The following DLGAP1 variants were observed in gnomAD, a reference collection of about 807,000 sequenced individuals.
DLGAP1 encodes the protein disks large-associated protein 1.
DLGAP1 carries 11 observed loss-of-function variants against 90.8 expected under a neutral mutation model. That is an observed-to-expected ratio of 0.12 (90% CI 0.08 to 0.20). DLGAP1 has a LOEUF of 0.20. Among genes scored for constraint, DLGAP1 ranks in the 10% least tolerant of loss-of-function variants. The pLI is 1.00. For missense variants in DLGAP1, 1,050 were observed against 1,333.8 expected (o/e 0.79, Z 3.31); for synonymous variants, 558 against 540.7 (o/e 1.03, Z -0.44).
chr18:4,418,364 C>G (rs1307761202), intron 1 of DLGAP1, among the ~76,000 whole-genome samples: 5 of 152,084 alleles, frequency 3.3e-5, no homozygotes, highest in Non-Finnish European at 7.4e-5. Context: ...ACAAAGTAAG[C>G]AGCAAAACCA....
rs1034496115 is a variant in DLGAP1, at chr18:4,454,190, G to A, written c.-267+816C>T. 2.6e-5 allele frequency among the ~76,000 whole-genome samples: 4 copies of A among 152,236 alleles called. No homozygotes were observed. Among genetic ancestry groups the A allele is most frequent in the African/African-American group, 4.8e-5 (2 of 41,478 alleles). ...GGGTCTTCATCGCCGCGGGCCCTCC[G>A]AAGGTGCCTCTCCCAGCTGCAGCCG... is the stretch of plus-strand genomic sequence containing the variant. On this transcript the variant is annotated intron_variant, in intron 1 of 12. Coordinates refer to ENST00000315677, the MANE Select transcript of DLGAP1 (RefSeq NM_004746.4). This position sits in a 1 kb window ranked among gnomAD's most constrained non-coding sequence, Gnocchi z 4.7.
chr18:4,164,661 C>T (rs2076903783), intron 1 of DLGAP1, among the ~76,000 whole-genome samples: 2 of 151,996 alleles, frequency 1.3e-5, no homozygotes, highest in East Asian at 1.9e-4. Flanking sequence ...GCCTGGGCAG[C>T]AGAGAAAGAC....
chr18:3,641,170 A>G (rs1416934381), intron 7 of DLGAP1, among the ~76,000 whole-genome samples: 1 of 151,974 alleles, frequency 6.6e-6, no homozygotes, highest in Non-Finnish European at 1.5e-5. Context: ...ATTACATATA[A>G]CTAGTATTAT....
At chr18:4,339,065 G>C (rs2081133823) in intron 1 of DLGAP1, among the ~76,000 whole-genome samples, 1 of 152,190 alleles carries the variant, frequency 6.6e-6, no homozygotes, top group African/African-American at 2.4e-5. Flanking sequence ...CGGAAGGTTA[G>C]TTAAGAACTA....
intron 2 of DLGAP1, among the ~76,000 whole-genome samples, chr18:4,055,153 CTGGTCACTG>C (rs2075194938): frequency 6.6e-6 from 1 of 152,168 alleles, no homozygotes; most frequent in Admixed American, 6.5e-5. Context: ...GCACAGGGAT[CTGGTCACTG>C]TGGTCACTGA....
chr18:4,007,153 C>T (rs375673790), intron 2 of DLGAP1, among the ~76,000 whole-genome samples: 5 of 152,046 alleles, frequency 3.3e-5, no homozygotes, highest in Non-Finnish European at 2.9e-5. Context: ...TCAGATATTT[C>T]GAAAAGACTC....
chr18:3,880,780 T>TA (rs1340800911), intron 3 of DLGAP1, among the ~76,000 whole-genome samples: 2 of 151,364 alleles, frequency 1.3e-5, no homozygotes, highest in East Asian at 2.0e-4. Flanking sequence ...CTGTCTCTAC[T>TA]AAAAATACAA....
At chr18:4,418,398 G>A (rs908640507) in intron 1 of DLGAP1, among the ~76,000 whole-genome samples, 11 of 152,130 alleles carry the variant, frequency 7.2e-5, no homozygotes. Context: ...CACAGATGTT[G>A]GAAGTAACTG....
intron 2 of DLGAP1, among the ~76,000 whole-genome samples, chr18:4,029,684 C>T (rs573184294): frequency 6.6e-6 from 1 of 152,198 alleles, no homozygotes; most frequent in Non-Finnish European, 1.5e-5. Flanking sequence ...TTCCTAATTT[C>T]AGTGTCTTCC....
rs571226458 is a variant in DLGAP1 at position 4,216,275 on chromosome 18, C to T, written c.-266-64988G>A. Among the ~76,000 whole-genome samples the T allele has an allele frequency of 6.1e-5, 8 of 130,318 alleles. No homozygotes were observed. The South Asian group carries it at 7.7e-4, about 13-fold the overall frequency. 85.5% of individuals were successfully genotyped at this position (130,318 alleles called of 152,430 possible). A position where few individuals can be genotyped will look rare whatever the true frequency, so the allele number is the denominator to read the frequency against. ...CATGAGAACAGCATGAGTGTAACCG[C>T]TCTCGTGATTAAATTACCCCCCCCC... On this transcript the variant is annotated intron_variant, in intron 1 of 12. Coordinates refer to ENST00000315677, the MANE Select transcript of DLGAP1 (RefSeq NM_004746.4).
intron 3 of DLGAP1, among the ~76,000 whole-genome samples, chr18:3,950,400 TGCCAG>T (rs2072961417): frequency 1.3e-5 from 2 of 152,216 alleles, no homozygotes; most frequent in Non-Finnish European, 2.9e-5. Context: ...CAACAGAGTG[TGCCAG>T]TACCAGGCCT....
At chr18:4,427,247 G>A (rs2083177864) in intron 1 of DLGAP1, among the ~76,000 whole-genome samples, 1 of 152,126 alleles carries the variant, frequency 6.6e-6, no homozygotes, top group African/African-American at 2.4e-5. Context: ...AAGAATAAAT[G>A]GGGACAGAGC....
At chr18:4,001,995 A>G (rs1166935076) in intron 3 of DLGAP1, among the ~76,000 whole-genome samples, 3 of 151,678 alleles carry the variant, frequency 2.0e-5, no homozygotes, top group African/African-American at 7.3e-5. Context: ...AAGACACTGT[A>G]CAGGTCTTAA....
chr18:3,561,550 G>A (rs773579869), intron 9 of DLGAP1, among the ~76,000 whole-genome samples: 1 of 150,044 alleles, frequency 6.7e-6, no homozygotes, highest in East Asian at 1.9e-4. Context: ...AGGTCTGCTG[G>A]CAACAAATTC....
intron 3 of DLGAP1, among the ~76,000 whole-genome samples, chr18:3,977,434 G>GTTTTTTTTTTTTTTTTTTTTTTTT (rs58599574): frequency 5.2e-5 from 5 of 95,332 alleles, no homozygotes; most frequent in African/African-American, 2.1e-4. Context: ...TTTATTCTGT[G>GTTTTTTTTTTTTTTTTTTTTTTTT]TTTTTTTTTT....
chr18:4,301,905 T>C (rs2080135375), intron 1 of DLGAP1, among the ~76,000 whole-genome samples: 1 of 152,218 alleles, frequency 6.6e-6, no homozygotes, highest in Non-Finnish European at 1.5e-5. Flanking sequence ...TTGAATTTTT[T>C]TTCATATATC....
At chr18:4,437,063 A>C (rs946808429) in intron 1 of DLGAP1, among the ~76,000 whole-genome samples, 1 of 152,234 alleles carries the variant, frequency 6.6e-6, no homozygotes, top group African/African-American at 2.4e-5. Flanking sequence ...CAATTTTCCC[A>C]AAACAACAAT....
intron 5 of DLGAP1, among the ~76,000 whole-genome samples, chr18:3,772,299 TTC>T (rs2064634175): frequency 7.1e-6 from 1 of 141,360 alleles, no homozygotes; most frequent in South Asian, 2.3e-4. Flanking sequence ...CTCCTTTTCT[TTC>T]TTTCTCTCCT....
chr18:4,412,648 T>C (rs1262633509), intron 1 of DLGAP1, among the ~76,000 whole-genome samples: 1 of 152,164 alleles, frequency 6.6e-6, no homozygotes, highest in Non-Finnish European at 1.5e-5. Flanking sequence ...TTATATAGGA[T>C]TTAACTCTTA....
Sources: gnomAD v4.1 joint callset for allele counts (sites outside exome capture counted in the v4.1 genomes callset) on GRCh38, gnomAD v4.1.1 for gene constraint, Gnocchi (gnomAD v3.1) non-coding constraint, MANE v1.5 for transcripts, NCBI Gene and HGNC (gene_info 2026-07-23, HGNC 2026-07-21) for gene names.